BRINP3: variants seen among roughly 807,000 people sequenced by gnomAD.
BRINP3 encodes BMP/retinoic acid inducible neural specific 3.
Under a neutral mutation model 71.0 loss-of-function variants are expected in BRINP3, and 19 were observed. The observed-to-expected ratio is 0.27, with a 90% CI of 0.19 to 0.39. The LOEUF (loss-of-function observed/expected upper bound fraction) is 0.39. BRINP3 is among the 10% of genes least tolerant of loss of function. The pLI is 1.00. For missense variants in BRINP3, 959 were observed against 940.8 expected, an observed-to-expected ratio of 1.02 and a Z score of -0.25; for synonymous variants, 380 against 337.7, an observed-to-expected ratio of 1.13 and a Z score of -1.37.
At chr1:190,123,040 C>T (rs1222803551) in intron 7 of BRINP3, among the ~76,000 whole-genome samples, 6 of 152,042 alleles carry the variant, frequency 3.9e-5, no homozygotes, top group Non-Finnish European at 7.4e-5. Flanking sequence ...TTGAGTGTGC[C>T]AGACTTCAAG....
At chr1:190,376,271 A>C (rs576782352) in intron 2 of BRINP3, among the ~76,000 whole-genome samples, 1 of 152,142 alleles carries the variant, frequency 6.6e-6, no homozygotes, top group Non-Finnish European at 1.5e-5. Flanking sequence ...TTTTGACTAA[A>C]TGCTTTCTAG....
intron 7 of BRINP3, among the ~76,000 whole-genome samples, chr1:190,118,612 A>G (rs1047160428): frequency 6.6e-5 from 10 of 152,212 alleles, no homozygotes; most frequent in Non-Finnish European, 1.3e-4. Flanking sequence ...AAGTAACTTT[A>G]ACATGAACAT....
At chr1:190,116,375 T>A (rs1653138995) in intron 7 of BRINP3, among the ~76,000 whole-genome samples, 1 of 152,086 alleles carries the variant, frequency 6.6e-6, no homozygotes. Context: ...AGATATGCTA[T>A]GGCATGTCAC....
intron 6 of BRINP3, among the ~76,000 whole-genome samples, chr1:190,179,465 T>C (rs1652838037): frequency 6.6e-6 from 1 of 152,140 alleles, no homozygotes; most frequent in Non-Finnish European, 1.5e-5. Flanking sequence ...ATCTTAAATG[T>C]GATATTCCCA....
At chr1:190,109,053 T>C (rs1652443679) in intron 7 of BRINP3, among the ~76,000 whole-genome samples, 1 of 152,168 alleles carries the variant, frequency 6.6e-6, no homozygotes, top group Admixed American at 6.5e-5. Flanking sequence ...GAACAGTAAA[T>C]CCACTTTGAA....
chr1:190,110,226 T>A (rs551185658), intron 7 of BRINP3, among the ~76,000 whole-genome samples: 1 of 152,258 alleles, frequency 6.6e-6, no homozygotes, highest in East Asian at 1.9e-4. Flanking sequence ...AGATACCTCA[T>A]AAGTTACAGG....
intron 2 of BRINP3, among the ~76,000 whole-genome samples, chr1:190,356,439 T>C (rs562241672): frequency 2.6e-5 from 4 of 152,118 alleles, no homozygotes; most frequent in East Asian, 3.9e-4. Flanking sequence ...GAAAGGTAGA[T>C]GAACAGCAGT....
chr1:190,451,844 A>C (rs1274589892), intron 2 of BRINP3, among the ~76,000 whole-genome samples: 1 of 152,226 alleles, frequency 6.6e-6, no homozygotes, highest in Non-Finnish European at 1.5e-5. Context: ...TTTGGAGTGA[A>C]AATAAAAATA....
chr1:190,257,649 A>C (rs1660789133), intron 4 of BRINP3, among the ~76,000 whole-genome samples: 2 of 152,218 alleles, frequency 1.3e-5, no homozygotes, highest in Non-Finnish European at 2.9e-5. Context: ...GGTAACCTAC[A>C]GATGGGGTTT....
intron 2 of BRINP3, among the ~76,000 whole-genome samples, chr1:190,322,229 A>T (rs1315675819): frequency 2.6e-5 from 4 of 152,010 alleles, no homozygotes; most frequent in African/African-American, 9.7e-5. Flanking sequence ...CTCTAGAGAC[A>T]AGTTCAGGAA....
intron 2 of BRINP3, among the ~76,000 whole-genome samples, chr1:190,443,960 A>G (rs1313367783): frequency 6.6e-6 from 1 of 152,074 alleles, no homozygotes; most frequent in Non-Finnish European, 1.5e-5. Context: ...CAGCCAGGCA[A>G]GGTGGCTCCC....
At chr1:190,444,150 T>C (rs1299980716) in intron 2 of BRINP3, among the ~76,000 whole-genome samples, 1 of 144,256 alleles carries the variant, frequency 6.9e-6, no homozygotes, top group Non-Finnish European at 1.5e-5. Flanking sequence ...GGAGAATAGT[T>C]TGAACCCAGG....
Position 190,417,751 on chromosome 1 carries a change from T to C in BRINP3, c.236+36904A>G. 1.3e-5 allele frequency among the ~76,000 whole-genome samples: 2 copies of C among 152,288 alleles called. 1 individual carries two copies. Among genetic ancestry groups the C allele is most frequent in the Admixed American group, 1.3e-4 (2 of 15,296 alleles). ...ATGCAAAGACTATTTTAATATGATATAAGGTACTTTCTTCTCCTAAACTAA... is the reference window on the plus strand; with the variant it reads ...ATGCAAAGACTATTTTAATATGATACAAGGTACTTTCTTCTCCTAAACTAA... On this transcript the variant is annotated intron_variant, in intron 2 of 7. Coordinates refer to ENST00000367462, the MANE Select transcript of BRINP3 (RefSeq NM_199051.3).
At chr1:190,364,407 T>C (rs1669352721) in intron 2 of BRINP3, among the ~76,000 whole-genome samples, 1 of 152,020 alleles carries the variant, frequency 6.6e-6, no homozygotes, top group African/African-American at 2.4e-5. Flanking sequence ...TGGTAAGAAG[T>C]TGGTATTTTC....
At chr1:190,195,927 T>C (rs962027974) in intron 6 of BRINP3, among the ~76,000 whole-genome samples, 14 of 152,112 alleles carry the variant, frequency 9.2e-5, no homozygotes, top group South Asian at 2.1e-4. Context: ...CAGCTACACA[T>C]TATCAAAAAC....
At chr1:190,335,004 T>C (rs1489448253) in intron 2 of BRINP3, among the ~76,000 whole-genome samples, 1 of 151,880 alleles carries the variant, frequency 6.6e-6, no homozygotes, top group Non-Finnish European at 1.5e-5. Flanking sequence ...GTTTGATATC[T>C]AGTTTAAAGA....
chr1:190,356,772 T>C (rs147709161), intron 2 of BRINP3, among the ~76,000 whole-genome samples: 1 of 152,174 alleles, frequency 6.6e-6, no homozygotes, highest in East Asian at 1.9e-4. Context: ...GATTAAGACA[T>C]AGACATCTGT....
chr1:190,326,784 C>T (rs1006665881), intron 2 of BRINP3, among the ~76,000 whole-genome samples: 1 of 152,000 alleles, frequency 6.6e-6, no homozygotes. Context: ...ACCCATCTTA[C>T]AAGAGATACT....
intron 6 of BRINP3, among the ~76,000 whole-genome samples, chr1:190,207,655 G>T (rs1655627492): frequency 6.6e-6 from 1 of 152,070 alleles, no homozygotes; most frequent in African/African-American, 2.4e-5. Flanking sequence ...CAAACAAAAA[G>T]AAATATATAT....
Sources: gnomAD v4.1 joint callset for allele counts (sites outside exome capture counted in the v4.1 genomes callset) on GRCh38, gnomAD v4.1.1 for gene constraint, MANE v1.5 for transcripts, NCBI Gene and HGNC (gene_info 2026-07-23, HGNC 2026-07-21) for gene names.